Variants in DST observed in about 807,000 individuals in gnomAD.
DST encodes dystonin.
In DST, 253 loss-of-function variants were observed where a neutral mutation model predicts 875.2. The observed-to-expected ratio is 0.29, with a 90% CI of 0.26 to 0.32. The LOEUF is 0.32. Among genes scored for constraint, DST ranks in the 10% least tolerant of loss-of-function variants. The pLI, the probability that DST is intolerant of heterozygous loss-of-function variation, is 1.00. For synonymous variants in DST, 3,124 were observed against 3,197.1 expected (o/e 0.98, Z 0.77); for missense variants, 8,287 against 9,111.6 (o/e 0.91, Z 3.68).
At position 56,618,898 on chromosome 6, in the gene DST, T is replaced by C. The variant is rs1489594992; in HGVS notation, c.4930-4414A>G. ...CTTGTACTTTTTTCAACCTGTTATT[T>C]AACTCTTGCACCTGAGCTTGTTGTA... is the stretch of plus-strand genomic sequence containing the variant. On this transcript the variant is annotated intron_variant, in intron 36 of 103. Coordinates refer to ENST00000680361, the MANE Select transcript of DST (RefSeq NM_001374736.1). The C allele has an allele frequency of 3.1e-6, 5 of 1,614,184 alleles. No homozygotes were observed. Among genetic ancestry groups the C allele is most frequent in the Non-Finnish European group, 4.2e-6 (5 of 1,180,036 alleles).
intron 52 of DST, among the ~76,000 whole-genome samples, chr6:56,572,540 G>C (rs1222159875): frequency 1.3e-5 from 2 of 152,138 alleles, no homozygotes; most frequent in Admixed American, 1.3e-4. Context: ...TATGATACAT[G>C]TGATAAATGA....
chr6:56,692,635 T>C, intron 9 of DST: 5 of 1,289,864 alleles, frequency 3.9e-6, no homozygotes, highest in Non-Finnish European at 5.1e-6. Context: ...ATCAGTTTTT[T>C]CCTGGAATGT....
At chr6:56,822,574 T>G (rs2099774304) in intron 4 of DST, among the ~76,000 whole-genome samples, 1 of 152,006 alleles carries the variant, frequency 6.6e-6, no homozygotes, top group Non-Finnish European at 1.5e-5. Context: ...CAGAAAGGAG[T>G]AGGCAGAATC....
At chr6:56,625,686 T>G (rs1440020101) in intron 34 of DST, among the ~76,000 whole-genome samples, 1 of 151,804 alleles carries the variant, frequency 6.6e-6, no homozygotes, top group Non-Finnish European at 1.5e-5. Context: ...GGTCTATATA[T>G]TTACCACACT....
chr6:56,636,458 A>G, intron 23 of DST, 99 bp downstream of exon 23: 1 of 907,088 alleles, frequency 1.1e-6, no homozygotes, highest in Admixed American at 1.8e-5. Flanking sequence ...ATATACACAG[A>G]AACACATTGT....
At chr6:56,564,211 T>C (rs1328347205) in intron 55 of DST, among the ~76,000 whole-genome samples, 1 of 152,248 alleles carries the variant, frequency 6.6e-6, no homozygotes, top group East Asian at 1.9e-4. Flanking sequence ...CCCATGAGCA[T>C]GGAATGTTTT....
intron 4 of DST, among the ~76,000 whole-genome samples, chr6:56,768,049 C>T (rs750494204): frequency 2.0e-5 from 3 of 152,036 alleles, no homozygotes; most frequent in Non-Finnish European, 4.4e-5. Context: ...TAAGCCATTT[C>T]GAAGACCTTC....
chr6:56,508,147 G>A (rs1395591013), intron 75 of DST, among the ~76,000 whole-genome samples: 1 of 152,050 alleles, frequency 6.6e-6, no homozygotes, highest in African/African-American at 2.4e-5. Flanking sequence ...TGATTCTCAT[G>A]CTTCACCCTC....
chr6:56,872,824 C>CT (rs1554220766), intron 3 of DST, among the ~76,000 whole-genome samples: 1 of 103,116 alleles, frequency 9.7e-6, no homozygotes, highest in African/African-American at 7.2e-5. Flanking sequence ...ACACTGATTC[C>CT]CCCCCCCCTT....
At chr6:56,932,960 T>C (rs1811091424) in intron 2 of DST, among the ~76,000 whole-genome samples, 1 of 151,398 alleles carries the variant, frequency 6.6e-6, no homozygotes, top group South Asian at 2.1e-4. Context: ...GAAGTTAAAA[T>C]AATACAATGT....
At chr6:56,660,644 CT>C (rs1440385731) in intron 10 of DST, among the ~76,000 whole-genome samples, 1 of 151,202 alleles carries the variant, frequency 6.6e-6, no homozygotes, top group African/African-American at 2.4e-5. Flanking sequence ...AAAAAAAGGC[CT>C]GCGTAACTCA....
rs77058441 is a variant in DST, at chr6:56,741,437, A to C, written c.626-6148T>G. Among the ~76,000 whole-genome samples, 982 of 152,332 alleles carry C rather than the reference A, an allele frequency of 6.4e-3. 12 individuals are homozygous for C. Among genetic ancestry groups the C allele is most frequent in the African/African-American group, 0.023 (952 of 41,574 alleles). On this transcript the variant is annotated intron_variant, in intron 4 of 103. Coordinates refer to ENST00000680361, the MANE Select transcript of DST (RefSeq NM_001374736.1). ...TTTTAAACCATGATCAACTTAAATG[A>C]GTCCCATTCAAATACCAAAATATGC...
At chr6:56,840,288 T>C (rs970761743) in intron 4 of DST, among the ~76,000 whole-genome samples, 4 of 152,148 alleles carry the variant, frequency 2.6e-5, no homozygotes, top group Non-Finnish European at 4.4e-5. Flanking sequence ...TACTACTGTA[T>C]CTTTTAAGCT....
chr6:56,767,216 A>G (rs1263273816), intron 4 of DST, among the ~76,000 whole-genome samples: 1 of 152,214 alleles, frequency 6.6e-6, no homozygotes, highest in Non-Finnish European at 1.5e-5. Flanking sequence ...TTTATTGAAA[A>G]CCTACTATGC....
intron 80 of DST, among the ~76,000 whole-genome samples, chr6:56,499,170 T>C (rs1376798337): frequency 2.0e-5 from 3 of 152,090 alleles, no homozygotes; most frequent in African/African-American, 7.2e-5. Context: ...GACTCAGTGT[T>C]GGCAATAGTA....
intron 36 of DST, chr6:56,620,362 G>T (rs763921292): frequency 2.5e-6 from 4 of 1,614,028 alleles, no homozygotes; most frequent in Non-Finnish European, 3.4e-6. Context: ...TTTTAGCCTC[G>T]GCCTCTATGG....
chr6:56,493,961 C>T, intron 83 of DST, 49 bp downstream of exon 83: 1 of 1,415,756 alleles, frequency 7.1e-7, no homozygotes, highest in South Asian at 1.8e-5. Context: ...AAGTCCAAGA[C>T]ATGAAACAAC....
At chr6:56,659,645 ATGATG>A (rs1176831698) in intron 10 of DST, among the ~76,000 whole-genome samples, 1 of 152,198 alleles carries the variant, frequency 6.6e-6, no homozygotes, top group Non-Finnish European at 1.5e-5. Flanking sequence ...AAGTGAAGAA[ATGATG>A]GAGGATATTG....
chr6:56,614,602 A>G (rs2152726169), intron 36 of DST, 118 bp from the exon 37 acceptor site: 3 of 1,322,760 alleles, frequency 2.3e-6, no homozygotes, highest in East Asian at 2.9e-5. Flanking sequence ...ACAGGTTACT[A>G]AAACATTTTA....
Sources: allele counts gnomAD v4.1 joint callset (sites outside exome capture counted in the v4.1 genomes callset), GRCh38; gene constraint gnomAD v4.1.1; transcripts MANE v1.5; gene names NCBI Gene and HGNC (gene_info 2026-07-23, HGNC 2026-07-21).